The following DNAJC28 variants were observed in gnomAD, a reference collection of about 807,000 sequenced individuals.
DNAJC28 encodes dnaJ homolog subfamily C member 28.
Under a neutral mutation model 33.3 loss-of-function variants are expected in DNAJC28, and 24 were observed. The observed-to-expected ratio is 0.72, with a 90% CI of 0.52 to 1.01. The LOEUF is 1.01. Among genes scored for constraint, DNAJC28 ranks in the 50% least tolerant of loss-of-function variants. The probability of loss-of-function intolerance (pLI) is 0.00; values close to 1 mark genes in which losing one functional copy is unlikely to be tolerated. For synonymous variants in DNAJC28, 120 were observed against 147.2 expected (o/e 0.82, Z 1.34); for missense variants, 442 against 455.2 (o/e 0.97, Z 0.26).
Position 33,488,442 on chromosome 21 carries a change from CAATTA to C in DNAJC28, c.947_951del (p.Leu316CysfsTer12), listed in dbSNP as rs3834674. On this transcript the variant is annotated frameshift_variant, in exon 2 of 2. Coordinates refer to ENST00000381947, the MANE Select transcript of DNAJC28 (RefSeq NM_001040192.3). LOFTEE classifies it high-confidence loss of function. ...ACTTTTTGCCTGGTCAGGATGGGAA[CAATTA>C]AATTAAAATCATTAATTCGCTTGTT... 353,844 of 1,608,280 alleles carry C rather than the reference CAATTA, an allele frequency of 0.22. 41,016 individuals carry two copies. The highest frequency in any genetic ancestry group is 0.23 in the Non-Finnish European group (276,026 of 1,178,034).
chr21:33,490,120 CTTTTT>C (rs899299286), intron 1 of DNAJC28, among the ~76,000 whole-genome samples: 2 of 132,854 alleles, frequency 1.5e-5, no homozygotes, highest in Non-Finnish European at 3.3e-5. Flanking sequence ...CTTTTCTTTT[CTTTTT>C]TTTTTTTTTG....
At position 33,489,275 on chromosome 21, in the gene DNAJC28, A is replaced by C. The variant is rs775381087; in HGVS notation, c.119T>G (p.Met40Arg). The C allele has an allele frequency of 6.2e-7, 1 of 1,603,154 alleles. No individual in the cohort carries two copies. Among genetic ancestry groups the C allele is most frequent in the Non-Finnish European group, 8.5e-7 (1 of 1,176,872 alleles). Reference protein sequence around the residue: ...PYFGIIRNRMMSTHKSKKKIR... With the variant: ...PYFGIIRNRMRSTHKSKKKIR... ...CTTCTTTTTGGATTTATGGGTTGAC[A>C]TCATTCTATTTCTAATGATACCAAA... Residue 40 changes from methionine to arginine, a missense_variant, in exon 2 of 2, where the codon ATG (methionine) becomes AGG (arginine). Transcript: ENST00000381947.
rs776143156 is a variant in DNAJC28 at position 33,488,689 on chromosome 21, G to T, written c.705C>A (p.Tyr235Ter). 1 of 1,610,902 alleles carries T rather than the reference G, an allele frequency of 6.2e-7. No homozygotes were observed. Among genetic ancestry groups the T allele is most frequent in the South Asian group, 1.1e-5 (1 of 90,150 alleles). The change falls in exon 2 of 2, where the codon TAC becomes TAA. Residue 235 changes from tyrosine (Y) to a stop codon, truncating the protein, a stop_gained. Transcript: ENST00000381947. LOFTEE classifies it high-confidence loss of function. ...TCAGGTTGTGAGTCATGGGATCAAT[G>T]TAAGAACAGTCAGAAAACTTTTTCA... ...KPLKKFSDCS[Y>*]IDPMTHNLNR...
In DNAJC28 at chr21:33,488,686, A is replaced by C. The variant is rs746478360; in HGVS notation, c.708T>G (p.Ile236Met). 1 of 1,611,382 alleles carries C rather than the reference A, an allele frequency of 6.2e-7. No homozygotes were observed. The highest frequency in any genetic ancestry group is 1.1e-5 in the South Asian group (1 of 90,246). ...PLKKFSDCSYIDPMTHNLNRI... is the reference protein window; with the variant it reads ...PLKKFSDCSYMDPMTHNLNRI... ...GGTTCAGGTTGTGAGTCATGGGATCAATGTAAGAACAGTCAGAAAACTTTT... is the reference window on the plus strand; with the variant it reads ...GGTTCAGGTTGTGAGTCATGGGATCCATGTAAGAACAGTCAGAAAACTTTT... The change falls in exon 2 of 2, where the codon ATT becomes ATG. Residue 236 changes from isoleucine to methionine, a missense_variant. Ile to Met is a conservative substitution (Grantham distance 10). Coordinates refer to ENST00000381947, the MANE Select transcript of DNAJC28 (RefSeq NM_001040192.3).
rs546367322 is a variant in DNAJC28, at chr21:33,488,237, C to T, written c.1157G>A (p.Arg386Gln). 9 of 1,498,098 alleles carry T rather than the reference C, an allele frequency of 6.0e-6. No homozygotes were observed. In the African/African-American group the frequency reaches 7.1e-5, roughly 12 times the overall value. The allele number at this position is 1,498,098 out of a possible 1,614,324, so 92.8% of individuals were successfully genotyped here. ...WMNLWKFIKI[R>Q]SF ...TTATGATAGTAAACATCAAAATGATCGTATTTTAATAAATTTCCACAGATT... is the reference window on the plus strand; with the variant it reads ...TTATGATAGTAAACATCAAAATGATTGTATTTTAATAAATTTCCACAGATT... Residue 386 changes from arginine (R) to glutamine (Q), a missense_variant, in exon 2 of 2, where the codon CGA becomes CAA. Physicochemically the swap from Arg to Gln is conservative, Grantham distance 43 (BLOSUM62 1). Transcript: ENST00000381947.
chr21:33,489,557 C>T, intron 1 of DNAJC28, 133 bp from the exon 2 acceptor site: 1 of 415,558 alleles, frequency 2.4e-6, no homozygotes, highest in Non-Finnish European at 4.1e-6. Context: ...ATGCTGCTGT[C>T]AACTTTTTCC....
In DNAJC28 at chr21:33,489,809, T is replaced by C. The variant is rs546872255; in HGVS notation, c.-31-385A>G. Among the ~76,000 whole-genome samples, 237 of 137,120 alleles carry C rather than the reference T, an allele frequency of 1.7e-3. 2 individuals carry two copies. Among genetic ancestry groups the C allele is most frequent in the African/African-American group, 6.1e-3 (228 of 37,120 alleles). The allele number at this position is 137,120 out of a possible 152,430, so 90.0% of individuals were successfully genotyped here. ...TCAGCCTTTTTTTTTTTTTTTTTTG[T>C]CTGAGACAGGGTCTTGCTCTGTTGC... On this transcript the variant is annotated intron_variant, in intron 1 of 1. Transcript: ENST00000381947.
Position 33,488,378 on chromosome 21 carries a change from T to A in DNAJC28, c.1016A>T (p.Lys339Ile), listed in dbSNP as rs564467953. ...DAQKEIVRAQ[K>I]IYETLIKTKE... is the part of the protein sequence containing the mutation. ...TGTTTTTATAAGGGTCTCGTATATT[T>A]TCTGGGCTCTGACAATTTCTTTCTG... Residue 339 changes from lysine (K) to isoleucine (I), a missense_variant, in exon 2 of 2, where the codon AAA becomes ATA. By Grantham distance (102) the Lys-to-Ile change is moderately radical. Coordinates refer to ENST00000381947, the MANE Select transcript of DNAJC28 (RefSeq NM_001040192.3). The A allele has an allele frequency of 1.5e-5, 24 of 1,593,324 alleles. No individual in the cohort carries two copies. The highest frequency in any genetic ancestry group is 6.8e-6 in the Non-Finnish European group (8 of 1,174,734).
intron 1 of DNAJC28, among the ~76,000 whole-genome samples, chr21:33,489,890 C>T (rs1198324125): frequency 6.7e-6 from 1 of 148,896 alleles, no homozygotes; most frequent in African/African-American, 2.5e-5. Context: ...ACCTCCTGGG[C>T]TGAAGTGATC....
chr21:33,488,728 C>T lies in DNAJC28; in HGVS notation c.666G>A (p.Gly222=), dbSNP rs376425023. ...MAKGDFDNLS[G]KGKPLKKFSD... ...AAAACTTTTTCAGAGGTTTTCCTTT[C>T]CCACTGAGATTGTCAAAGTCTCCTT... Residue 222 remains glycine, a synonymous_variant, in exon 2 of 2, where the codon GGG becomes GGA. Coordinates refer to ENST00000381947, the MANE Select transcript of DNAJC28 (RefSeq NM_001040192.3). 8.4e-5 allele frequency: 135 copies of T among 1,610,990 alleles called. 1 individual carries two copies. Among genetic ancestry groups the T allele is most frequent in the Non-Finnish European group, 8.2e-5 (97 of 1,179,364 alleles).
chr21:33,488,589 G>C lies in DNAJC28; in HGVS notation c.805C>G (p.Gln269Glu). Residue 269 changes from glutamine (Q) to glutamate (E), a missense_variant, in exon 2 of 2, where the codon CAA becomes GAA. By Grantham distance (29) the Gln-to-Glu change is conservative. Transcript: ENST00000381947. ...KQKEISDTIEQLREAILVSRK... is the reference protein window; with the variant it reads ...KQKEISDTIEELREAILVSRK... ...GACACTAAAATTGCCTCTCTGAGTTGCTCAATAGTATCGCTTATTTCCTTT... is the reference window on the plus strand; with the variant it reads ...GACACTAAAATTGCCTCTCTGAGTTCCTCAATAGTATCGCTTATTTCCTTT... The C allele has an allele frequency of 6.2e-7, 1 of 1,613,838 alleles. No homozygotes were observed. Among genetic ancestry groups the C allele is most frequent in the African/African-American group, 1.3e-5 (1 of 75,030 alleles).
chr21:33,490,819 T>C (rs2084515742), intron 1 of DNAJC28, among the ~76,000 whole-genome samples: 1 of 152,144 alleles, frequency 6.6e-6, no homozygotes, highest in Admixed American at 6.5e-5. Context: ...CCGTATATTT[T>C]ACAAGTGGAA....
At position 33,489,132 on chromosome 21, in the gene DNAJC28, C is replaced by G; in HGVS notation, c.262G>C (p.Asp88His). Residue 88 changes from aspartate (D) to histidine (H), a missense_variant, in exon 2 of 2, where the codon GAT becomes CAT. Physicochemically the swap from Asp to His is moderately conservative, Grantham distance 81. Coordinates refer to ENST00000381947, the MANE Select transcript of DNAJC28 (RefSeq NM_001040192.3). ...TCAATCCTTATAAATGTTGCAGAATCAGCAGTATTAGAGCCACTGTCAGGA... is the reference window on the plus strand; with the variant it reads ...TCAATCCTTATAAATGTTGCAGAATGAGCAGTATTAGAGCCACTGTCAGGA... ...YHPDSGSNTA[D>H]SATFIRIEKA... 6.2e-7 allele frequency: 1 copy of G among 1,613,896 alleles called. No individual in the cohort carries two copies. The highest frequency in any genetic ancestry group is 1.1e-5 in the South Asian group (1 of 90,996).
Position 33,489,359 on chromosome 21 carries a change from A to AT in DNAJC28, c.34_35insA (p.Leu12TyrfsTer13). Reference sequence around the variant, plus strand: ...TGTAGCCTTTATCAGGTGAGATCTTAAGATCTGAGCCATCATCACATACAT... The same window carrying AT: ...TGTAGCCTTTATCAGGTGAGATCTTATAGATCTGAGCCATCATCACATACAT... On this transcript the variant is annotated frameshift_variant, in exon 2 of 2. Coordinates refer to ENST00000381947, the MANE Select transcript of DNAJC28 (RefSeq NM_001040192.3). LOFTEE classifies it high-confidence loss of function. The AT allele has an allele frequency of 6.5e-7, 1 of 1,541,206 alleles. No homozygotes were observed. Among genetic ancestry groups the AT allele is most frequent in the Non-Finnish European group, 8.7e-7 (1 of 1,150,112 alleles).
In DNAJC28 at chr21:33,488,973, C is replaced by T; in HGVS notation, c.421G>A (p.Gly141Ser). The change falls in exon 2 of 2, where the codon GGT becomes AGT. Residue 141 changes from glycine to serine, a missense_variant. Physicochemically the swap from Gly to Ser is moderately conservative, Grantham distance 56. Coordinates refer to ENST00000381947, the MANE Select transcript of DNAJC28 (RefSeq NM_001040192.3). Reference sequence around the variant, plus strand: ...TGAGTTGGAGTCCCAAAACCAATACCTTCAAAACTTAAATAATGTCGGTGT... The same window carrying T: ...TGAGTTGGAGTCCCAAAACCAATACTTTCAAAACTTAAATAATGTCGGTGT... ...PQHRHYLSFE[G>S]IGFGTPTQRE... 1 of 1,613,842 alleles carries T rather than the reference C, an allele frequency of 6.2e-7. No individual in the cohort carries two copies. The highest frequency in any genetic ancestry group is 8.5e-7 in the Non-Finnish European group (1 of 1,179,990).
intron 1 of DNAJC28, among the ~76,000 whole-genome samples, chr21:33,489,953 C>T (rs2084507187): frequency 6.6e-6 from 1 of 151,698 alleles, no homozygotes; most frequent in South Asian, 2.1e-4. Context: ...ACCACCACAC[C>T]TGGCTAATTT....
At position 33,491,613 on chromosome 21, in the gene DNAJC28, AG is replaced by A. The variant is rs1333635621; in HGVS notation, c.-44del. On this transcript the variant is annotated 5_prime_UTR_variant, in exon 1 of 2. Coordinates refer to ENST00000381947, the MANE Select transcript of DNAJC28 (RefSeq NM_001040192.3). ...AGGCAGAATCGTACCTGATTGGGAC[AG>A]GTGACCTTACCAGGAAAACGGACAA... is the stretch of plus-strand genomic sequence containing the variant. 1.3e-5 allele frequency: 2 copies of A among 152,410 alleles called. No individual in the cohort carries two copies. The highest frequency in any genetic ancestry group is 4.8e-5 in the African/African-American group (2 of 41,488). The allele number at this position is 152,410 out of a possible 1,614,324, so 9.4% of individuals were successfully genotyped here. A position where few individuals can be genotyped will look rare whatever the true frequency, so the allele number is the denominator to read the frequency against.
rs368520867 is a variant in DNAJC28 at position 33,489,028 on chromosome 21, ATCTTCT to A, written c.360_365del (p.Glu120_Glu121del). ...GTGTTTTATATTTGAATTTTTCTAC[ATCTTCT>A]TCTTCTTCACCTTTACTCTGACTGG... On this transcript the variant is annotated inframe_deletion, in exon 2 of 2. Coordinates refer to ENST00000381947, the MANE Select transcript of DNAJC28 (RefSeq NM_001040192.3). 1.9e-3 allele frequency: 3,024 copies of A among 1,612,270 alleles called. 14 individuals are homozygous for A. The highest frequency in any genetic ancestry group is 0.017 in the African/African-American group (1,236 of 74,834).
Position 33,488,981 on chromosome 21 carries a change from C to T in DNAJC28, c.413G>A (p.Ser138Asn), listed in dbSNP as rs750639737. The change falls in exon 2 of 2, where the codon AGT (serine) becomes AAT (asparagine). Residue 138 changes from serine to asparagine, a missense_variant. By Grantham distance (46) the Ser-to-Asn change is conservative (BLOSUM62 1). Transcript: ENST00000381947. ...AGTCCCAAAACCAATACCTTCAAAA[C>T]TTAAATAATGTCGGTGTTGGGGTGT... ...YKTPQHRHYL[S>N]FEGIGFGTPT... The T allele has an allele frequency of 6.2e-7, 1 of 1,613,902 alleles. No individual in the cohort carries two copies. Among genetic ancestry groups the T allele is most frequent in the Non-Finnish European group, 8.5e-7 (1 of 1,180,014 alleles).
Sources: gnomAD v4.1 joint callset for allele counts (sites outside exome capture counted in the v4.1 genomes callset) on GRCh38, gnomAD v4.1.1 for gene constraint, MANE v1.5 for transcripts, NCBI Gene and HGNC (gene_info 2026-07-23, HGNC 2026-07-21) for gene names.